Variants in CDH4 observed in about 807,000 individuals in gnomAD.
CDH4 encodes the protein cadherin-4.
CDH4 carries 33 observed loss-of-function variants against 86.0 expected under a neutral mutation model. The observed-to-expected ratio is 0.38, with a 90% CI of 0.29 to 0.51. The LOEUF (loss-of-function observed/expected upper bound fraction) is 0.51. Ranked by LOEUF, CDH4 falls within the 20% of genes least tolerant of loss-of-function variation. The pLI is 0.86. For missense variants in CDH4, 1,114 were observed against 1,307.4 expected (o/e 0.85, Z 2.28); for synonymous variants, 555 against 549.4 (o/e 1.01, Z -0.14).
At chr20:61,526,630 C>CT (rs1193166651) in intron 2 of CDH4, among the ~76,000 whole-genome samples, 2 of 148,310 alleles carry the variant, frequency 1.3e-5, no homozygotes, top group Non-Finnish European at 3.0e-5. Flanking sequence ...GTATATCTCC[C>CT]AATGCTATCC....
At chr20:61,566,228 T>G (rs1382238210) in intron 2 of CDH4, among the ~76,000 whole-genome samples, 1 of 152,254 alleles carries the variant, frequency 6.6e-6, no homozygotes, top group African/African-American at 2.4e-5. Context: ...TCCTGCTGTT[T>G]CCCACCATGT....
chr20:61,652,296 C>T (rs1213973528), intron 2 of CDH4, among the ~76,000 whole-genome samples: 1 of 152,134 alleles, frequency 6.6e-6, no homozygotes, highest in African/African-American at 2.4e-5. Context: ...TTTGTATACG[C>T]AGCTATGTAT....
In CDH4 at chr20:61,938,679, GC is replaced by G; in HGVS notation, c.*1741del. The G allele has an allele frequency of 6.5e-6, 1 of 152,678 alleles. No individual in the cohort carries two copies. The highest frequency in any genetic ancestry group is 1.5e-5 in the Non-Finnish European group (1 of 68,328). The allele number at this position is 152,678 out of a possible 1,614,324, so 9.5% of individuals were successfully genotyped here. Reference sequence around the variant, plus strand: ...AGCATGAGCTCCACCAGGGGCCCCGGCCCCCACCTCAGCCTATGGCCCTTCC... The same window carrying G: ...AGCATGAGCTCCACCAGGGGCCCCGGCCCCACCTCAGCCTATGGCCCTTCC... On this transcript the variant is annotated 3_prime_UTR_variant, in exon 16 of 16. Transcript: ENST00000614565.
In CDH4 at chr20:61,642,031, A is replaced by G. The variant is rs12624317; in HGVS notation, c.170-101532A>G. ...ACCAGGCACCACCAGGCACCACAGC[A>G]CCCAGGACACCTACAGCTTTGGGAT... On this transcript the variant is annotated intron_variant, in intron 2 of 15. Coordinates refer to ENST00000614565, the MANE Select transcript of CDH4 (RefSeq NM_001794.5). Among the ~76,000 whole-genome samples the G allele has an allele frequency of 9.8e-3, 201 of 20,484 alleles. 19 individuals are homozygous for G. Among genetic ancestry groups the G allele is most frequent in the South Asian group, 0.022 (8 of 368 alleles). 13.4% of individuals were successfully genotyped at this position (20,484 alleles called of 152,430 possible). A position where few individuals can be genotyped will look rare whatever the true frequency, so the allele number is the denominator to read the frequency against.
chr20:61,599,207 A>G (rs1003397947), intron 2 of CDH4, among the ~76,000 whole-genome samples: 3 of 150,942 alleles, frequency 2.0e-5, no homozygotes, highest in African/African-American at 7.3e-5. Context: ...GATCACTCCC[A>G]CCCCGCCCTG....
intron 2 of CDH4, among the ~76,000 whole-genome samples, chr20:61,299,665 G>T (rs1213421285): frequency 6.6e-6 from 1 of 152,150 alleles, no homozygotes; most frequent in African/African-American, 2.4e-5. Context: ...AAACTCTGGG[G>T]TTAATATCAG....
At chr20:61,912,747 G>C (rs565635139) in intron 9 of CDH4, among the ~76,000 whole-genome samples, 1 of 152,232 alleles carries the variant, frequency 6.6e-6, no homozygotes, top group Non-Finnish European at 1.5e-5. Context: ...AATTTTCAGA[G>C]TGAGGTATTA....
At chr20:61,736,292 C>T (rs147290902) in intron 2 of CDH4, among the ~76,000 whole-genome samples, 1 of 152,208 alleles carries the variant, frequency 6.6e-6, no homozygotes, top group Admixed American at 6.5e-5. Context: ...TCCTCTGCCC[C>T]AGGACCTTTG....
intron 2 of CDH4, among the ~76,000 whole-genome samples, chr20:61,572,526 A>G (rs1412279355): frequency 6.6e-6 from 1 of 152,168 alleles, no homozygotes; most frequent in Non-Finnish European, 1.5e-5. Flanking sequence ...GGGGAACTGC[A>G]GGTCCTCCCA....
At chr20:61,821,601 CAAGT>C (rs2146066396) in intron 4 of CDH4, among the ~76,000 whole-genome samples, 1 of 152,352 alleles carries the variant, frequency 6.6e-6, no homozygotes, top group African/African-American at 2.4e-5. Context: ...TCCAGTCCTG[CAAGT>C]GAGGAGGACG....
intron 4 of CDH4, among the ~76,000 whole-genome samples, chr20:61,794,277 G>A (rs1311987006): frequency 6.6e-6 from 1 of 152,172 alleles, no homozygotes; most frequent in Non-Finnish European, 1.5e-5. Context: ...GACACAGGGT[G>A]GGGCAGGGAA....
rs2086211086 is a variant in CDH4, at chr20:61,560,790, GC to G, written c.170-182770del. On this transcript the variant is annotated intron_variant, in intron 2 of 15. Transcript: ENST00000614565. ...AAGGAGCCCGGGTCTCAGCCTGGGG[GC>G]CCTCAGTCTGTCCATCCGGGGATAG... 3.9e-5 allele frequency among the ~76,000 whole-genome samples: 6 copies of G among 152,336 alleles called. No individual in the cohort carries two copies. The South Asian group carries it at 1.2e-3, about 32-fold the overall frequency.
At chr20:61,908,847 G>A (rs865806601) in intron 8 of CDH4, among the ~76,000 whole-genome samples, 7 of 152,192 alleles carry the variant, frequency 4.6e-5, no homozygotes, top group South Asian at 2.1e-4. Context: ...CCGTCCCAAC[G>A]GGCCCAGCCA....
intron 6 of CDH4, among the ~76,000 whole-genome samples, chr20:61,868,708 G>GTGTCCCCCCACACTGGGCAGA (rs1555850803): frequency 4.0e-5 from 6 of 151,396 alleles, no homozygotes; most frequent in Admixed American, 3.3e-4. Context: ...CTCTGGGCAG[G>GTGTCCCCCCACACTGGGCAGA]TGTCCCCCCA....
At chr20:61,652,245 A>C (rs2087129051) in intron 2 of CDH4, among the ~76,000 whole-genome samples, 1 of 152,240 alleles carries the variant, frequency 6.6e-6, no homozygotes, top group Admixed American at 6.5e-5. Context: ...ACGTGAAACT[A>C]TGGTGACACC....
chr20:61,445,370 G>A (rs1179135628), intron 2 of CDH4, among the ~76,000 whole-genome samples: 1 of 152,230 alleles, frequency 6.6e-6, no homozygotes, highest in Non-Finnish European at 1.5e-5. Context: ...CCGAAGGCAT[G>A]AGTTGTTGCC....
At chr20:61,716,766 A>G (rs989163102) in intron 2 of CDH4, among the ~76,000 whole-genome samples, 2 of 152,088 alleles carry the variant, frequency 1.3e-5, no homozygotes, top group African/African-American at 2.4e-5. Flanking sequence ...AAAATTAGCT[A>G]GGTGTTTGGT....
chr20:61,259,675 T>C (rs553181649), intron 2 of CDH4, among the ~76,000 whole-genome samples: 1 of 152,316 alleles, frequency 6.6e-6, no homozygotes, highest in East Asian at 1.9e-4. Flanking sequence ...ATTCTCTCTC[T>C]CTCTCTCCCT....
chr20:61,389,074 G>C (rs558256143), intron 2 of CDH4, among the ~76,000 whole-genome samples: 9 of 152,316 alleles, frequency 5.9e-5, no homozygotes, highest in Middle Eastern at 3.4e-3. Context: ...AAGGTTTTTT[G>C]CTGGTGTTTG....
Sources: gnomAD v4.1 joint callset for allele counts (sites outside exome capture counted in the v4.1 genomes callset) on GRCh38, gnomAD v4.1.1 for gene constraint, MANE v1.5 for transcripts, NCBI Gene and HGNC (gene_info 2026-07-23, HGNC 2026-07-21) for gene names.